Variants in YBX1 observed in about 807,000 individuals in gnomAD.
The protein encoded by YBX1 is Y-box-binding protein 1.
A neutral mutation model predicts 41.4 loss-of-function variants in YBX1; 3 were observed. The observed-to-expected ratio is 0.07, with a 90% CI of 0.03 to 0.19. YBX1 has a LOEUF of 0.19. Ranked by LOEUF, YBX1 falls within the 10% of genes least tolerant of loss-of-function variation. The pLI, the probability that YBX1 is intolerant of heterozygous loss-of-function variation, is 1.00. For missense variants in YBX1, 274 were observed against 462.8 expected (o/e 0.59, Z 3.74); for synonymous variants, 133 against 165.8 (o/e 0.80, Z 1.52).
chr1:42,699,669 C>G lies in YBX1; in HGVS notation c.741-1112C>G, dbSNP rs898572206. Among the ~76,000 whole-genome samples, 4 of 151,336 alleles carry G rather than the reference C, an allele frequency of 2.6e-5. No individual in the cohort carries two copies. In the South Asian group the frequency reaches 8.4e-4, roughly 32 times the overall value. On this transcript the variant is annotated intron_variant, in intron 6 of 7. Transcript: ENST00000321358. ...AGAAATGGAGTTGCACTGTGTTACT[C>G]AAGCAGTCTTGAACTCCTGCCCTCA...
Position 42,701,107 on chromosome 1 carries a change from A to T in YBX1, c.*31+61A>T, listed in dbSNP as rs1650590183. 2.3e-6 allele frequency: 3 copies of T among 1,281,616 alleles called. No individual in the cohort carries two copies. In the Admixed American group the frequency reaches 6.8e-5, roughly 29 times the overall value. 79.4% of individuals were successfully genotyped at this position (1,281,616 alleles called of 1,614,324 possible). A position where few individuals can be genotyped will look rare whatever the true frequency, so the allele number is the denominator to read the frequency against. ...TCGTGAGTGGTGACCATTTCGTTTT[A>T]TTAATGCAAGAGTAGAAAAACCTCA... is the stretch of plus-strand genomic sequence containing the variant. On this transcript the variant is annotated intron_variant, in intron 7 of 7. Transcript: ENST00000321358.
chr1:42,683,580 C>T lies in YBX1; in HGVS notation c.230+114C>T, dbSNP rs1409989673. The T allele has an allele frequency of 6.1e-6, 7 of 1,152,842 alleles. No individual in the cohort carries two copies. In the African/African-American group the frequency reaches 6.2e-5, roughly 10 times the overall value. The allele number at this position is 1,152,842 out of a possible 1,614,324, so 71.4% of individuals were successfully genotyped here. A position where few individuals can be genotyped will look rare whatever the true frequency, so the allele number is the denominator to read the frequency against. On this transcript the variant is annotated intron_variant, in intron 2 of 7. Coordinates refer to ENST00000321358, the MANE Select transcript of YBX1 (RefSeq NM_004559.5). Reference sequence around the variant, plus strand: ...ACAGCTCTGTTCTGAAAGGCGTTTACTACCTCTGGTGTATTAGTATGATTT... The same window carrying T: ...ACAGCTCTGTTCTGAAAGGCGTTTATTACCTCTGGTGTATTAGTATGATTT...
intron 6 of YBX1, 37 bp downstream of exon 6, chr1:42,697,299 C>T: frequency 6.2e-7 from 1 of 1,603,296 alleles, no homozygotes. Context: ...TTAAAATTTC[C>T]TCAAACCCGT....
At position 42,696,513 on chromosome 1, in the gene YBX1, C is replaced by A. The variant is rs917812413; in HGVS notation, c.355-129C>A. On this transcript the variant is annotated intron_variant, in intron 4 of 7. Transcript: ENST00000321358. The surrounding 1 kb of genome is among the most constrained non-coding windows in gnomAD (Gnocchi z 5.7). ...TGCACCCCTGGTCACGCAGTTGCGCCCCCCCCCCCTTTTTTTTCCTTAACT... is the reference window on the plus strand; with the variant it reads ...TGCACCCCTGGTCACGCAGTTGCGCACCCCCCCCCTTTTTTTTCCTTAACT... 1.6e-6 allele frequency: 1 copy of A among 624,144 alleles called. No individual in the cohort carries two copies. 38.7% of individuals were successfully genotyped at this position (624,144 alleles called of 1,614,324 possible).
At chr1:42,685,635 T>C (rs1650176528) in intron 2 of YBX1, among the ~76,000 whole-genome samples, 2 of 152,236 alleles carry the variant, frequency 1.3e-5, no homozygotes, top group Admixed American at 6.5e-5. Flanking sequence ...CATAACGTGC[T>C]GTTTTCTGTA....
chr1:42,690,817 A>G (rs1004575410), intron 2 of YBX1, among the ~76,000 whole-genome samples: 1 of 152,198 alleles, frequency 6.6e-6, no homozygotes, highest in South Asian at 2.1e-4. Context: ...TTACTACTGT[A>G]TAATTTTTAT....
intron 2 of YBX1, among the ~76,000 whole-genome samples, chr1:42,685,326 C>T (rs1000182910): frequency 1.3e-5 from 2 of 152,082 alleles, no homozygotes; most frequent in Admixed American, 6.6e-5. Context: ...TATGAATTGG[C>T]TTTTGATGGT....
At chr1:42,688,067 G>A (rs561575520) in intron 2 of YBX1, among the ~76,000 whole-genome samples, 54 of 152,084 alleles carry the variant, frequency 3.6e-4, no homozygotes, top group Non-Finnish European at 6.5e-4. Flanking sequence ...GAAGTCATCC[G>A]TGTTCACCAA....
chr1:42,690,466 A>G (rs1000603337), intron 2 of YBX1, among the ~76,000 whole-genome samples: 1 of 152,180 alleles, frequency 6.6e-6, no homozygotes, highest in African/African-American at 2.4e-5. Context: ...TGGGGGTCCT[A>G]TATTGTTACA....
At chr1:42,695,648 A>G (rs1650441342) in intron 3 of YBX1, among the ~76,000 whole-genome samples, 1 of 152,260 alleles carries the variant, frequency 6.6e-6, no homozygotes, top group Non-Finnish European at 1.5e-5. Flanking sequence ...CAGTCAGATC[A>G]TATAAAGAAT....
At chr1:42,687,906 G>A (rs1416901915) in intron 2 of YBX1, among the ~76,000 whole-genome samples, 1 of 152,186 alleles carries the variant, frequency 6.6e-6, no homozygotes, top group African/African-American at 2.4e-5. Context: ...ACTAGGGAAG[G>A]TTTAAAGACT....
intron 2 of YBX1, among the ~76,000 whole-genome samples, chr1:42,687,190 G>C (rs1650216206): frequency 6.6e-6 from 1 of 152,264 alleles, no homozygotes; most frequent in African/African-American, 2.4e-5. Flanking sequence ...CTGATACTGG[G>C]AGGTGAAGAA....
chr1:42,701,184 C>CCTG, intron 7 of YBX1, 138 bp downstream of exon 7: 1 of 671,916 alleles, frequency 1.5e-6, no homozygotes, highest in Non-Finnish European at 2.5e-6. Flanking sequence ...CTGCCCTATT[C>CCTG]TTAATTACCT....
chr1:42,694,200 A>C (rs1173980056), intron 3 of YBX1, among the ~76,000 whole-genome samples: 1 of 152,172 alleles, frequency 6.6e-6, no homozygotes, highest in Non-Finnish European at 1.5e-5. Context: ...TTAACATAGG[A>C]TGAGTACTGA....
intron 2 of YBX1, among the ~76,000 whole-genome samples, chr1:42,684,924 G>GTT (rs1376423726): frequency 2.0e-5 from 3 of 152,206 alleles, no homozygotes; most frequent in African/African-American, 7.2e-5. Context: ...AGGGTGTGAT[G>GTT]TAAGTGGTGA....
chr1:42,698,242 A>G (rs752556532), intron 6 of YBX1, among the ~76,000 whole-genome samples: 1 of 152,252 alleles, frequency 6.6e-6, no homozygotes, highest in Middle Eastern at 3.2e-3. Context: ...GTTGTATTAC[A>G]TGTATTTATC....
At position 42,696,135 on chromosome 1, in the gene YBX1, AT is replaced by A; in HGVS notation, c.265-60del. The A allele has an allele frequency of 7.2e-7, 1 of 1,382,800 alleles. No individual in the cohort carries two copies. The highest frequency in any genetic ancestry group is 1.0e-6 in the Non-Finnish European group (1 of 1,000,078). The allele number at this position is 1,382,800 out of a possible 1,614,324, so 85.7% of individuals were successfully genotyped here. ...GCTAAAATAATATTGACTCTGGTAC[AT>A]TTTAAATGAAAAAGCACATTATTCT... On this transcript the variant is annotated intron_variant, in intron 3 of 7. Transcript: ENST00000321358. The surrounding 1 kb of genome is among the most constrained non-coding windows in gnomAD (Gnocchi z 5.7).
chr1:42,683,314 G>A, intron 1 of YBX1, 89 bp from the exon 2 acceptor site: 5 of 1,519,806 alleles, frequency 3.3e-6, no homozygotes, highest in Non-Finnish European at 4.6e-6. Context: ...GCGGCGGCCG[G>A]CGTGCGAGGG....
chr1:42,690,134 A>T (rs1462050794), intron 2 of YBX1, among the ~76,000 whole-genome samples: 1 of 151,830 alleles, frequency 6.6e-6, no homozygotes, highest in Non-Finnish European at 1.5e-5. Flanking sequence ...AAGAACTTGA[A>T]CCCCGAAGGC....
Sources: allele counts gnomAD v4.1 joint callset (sites outside exome capture counted in the v4.1 genomes callset), GRCh38; gene constraint gnomAD v4.1.1; non-coding constraint Gnocchi (gnomAD v3.1); transcripts MANE v1.5; gene names NCBI Gene and HGNC (gene_info 2026-07-23, HGNC 2026-07-21).